ZNF674: variants seen among roughly 807,000 people sequenced by gnomAD.
The protein encoded by ZNF674 is zinc finger family member 674.
A neutral mutation model predicts 7.0 loss-of-function variants in ZNF674; 2 were observed. That is an observed-to-expected ratio of 0.29 (90% CI 0.12 to 0.90). The LOEUF (loss-of-function observed/expected upper bound fraction) is 0.90, where lower values mean the gene tolerates loss of function less well. ZNF674 is among the 40% of genes least tolerant of loss of function. The pLI, the probability that ZNF674 is intolerant of heterozygous loss-of-function variation, is 0.57. For synonymous variants in ZNF674, 103 were observed against 145.2 expected (o/e 0.71, Z 2.09); for missense variants, 297 against 415.5 (o/e 0.71, Z 2.48).
At position 46,500,804 on chromosome X, in the gene ZNF674, C is replaced by T; in HGVS notation, c.770G>A (p.Ser257Asn). 8.4e-7 allele frequency: 1 copy of T among 1,197,538 alleles called. No homozygotes were observed. Among genetic ancestry groups the T allele is most frequent in the South Asian group, 1.8e-5 (1 of 55,722 alleles). Residue 257 changes from serine (S) to asparagine (N), a missense_variant, in exon 6 of 6, where the codon AGC becomes AAC. Physicochemically the swap from Ser to Asn is conservative, Grantham distance 46. Transcript: ENST00000683375. The stretch of plus-strand genomic sequence containing the variant: ...GTGTGCTATGAGGGTTGACTTCTGG[C>T]TGAAGGCTTTTGCACATTCGCAGCA... ...YECCECAKAF[S>N]QKSTLIAHQR... is the part of the protein sequence containing the mutation.
chrX:46,530,718 G>A (rs1481024033), intron 3 of ZNF674, among the ~76,000 whole-genome samples: 27 of 112,912 alleles, frequency 2.4e-4, no homozygotes, highest in South Asian at 2.2e-3. Flanking sequence ...TGATCAAAGT[G>A]TCTTTTATAT....
chrX:46,504,975 C>T (rs1349235007), intron 5 of ZNF674, among the ~76,000 whole-genome samples: 1 of 109,468 alleles, frequency 9.1e-6, no homozygotes, highest in Non-Finnish European at 1.9e-5. Flanking sequence ...CTGCAACCTC[C>T]GCCTCCCGAG....
At chrX:46,527,907 A>G in intron 5 of ZNF674, 1 of 142,303 alleles carries the variant, frequency 7.0e-6, no homozygotes, top group Non-Finnish European at 1.4e-5. Context: ...AAAAAAAAAA[A>G]AGACTCCAAC....
At chrX:46,505,844 A>C (rs1215899199) in intron 5 of ZNF674, among the ~76,000 whole-genome samples, 2 of 110,882 alleles carry the variant, frequency 1.8e-5, no homozygotes, top group Admixed American at 1.9e-4. Context: ...GTCATGGTTC[A>C]CTTGGCACTA....
At chrX:46,521,652 G>A (rs779497854) in intron 5 of ZNF674, among the ~76,000 whole-genome samples, 4 of 107,820 alleles carry the variant, frequency 3.7e-5, no homozygotes, top group African/African-American at 1.0e-4. Context: ...AGGCGGGGGA[G>A]GGGGGGGAGG....
intron 5 of ZNF674, among the ~76,000 whole-genome samples, chrX:46,506,233 T>C (rs1259036403): frequency 9.0e-6 from 1 of 111,332 alleles, no homozygotes; most frequent in Non-Finnish European, 1.9e-5. Context: ...GTTTTTCTTC[T>C]GGGAGTCTGG....
chrX:46,521,331 C>G lies in ZNF674; in HGVS notation c.238+7019G>C, dbSNP rs909658487. Among the ~76,000 whole-genome samples, 20 of 110,801 alleles carry G rather than the reference C, an allele frequency of 1.8e-4. No individual in the cohort carries two copies. In the East Asian group the frequency reaches 5.4e-3, roughly 30 times the overall value. ...GTGTCTCATGCCTGTAATCCTAACA[C>G]TTTGGGAGACTGAGGCAGGTGGATC... On this transcript the variant is annotated intron_variant, in intron 5 of 5. Coordinates refer to ENST00000683375, the MANE Select transcript of ZNF674 (RefSeq NM_001190417.2).
intron 5 of ZNF674, among the ~76,000 whole-genome samples, chrX:46,512,689 G>A (rs749714565): frequency 1.8e-4 from 19 of 108,494 alleles, no homozygotes; most frequent in Non-Finnish European, 3.3e-4. Context: ...ACTTGAACCC[G>A]GGAGGCAGAG....
chrX:46,508,375 G>C (rs1200801486), intron 5 of ZNF674, among the ~76,000 whole-genome samples: 7 of 111,295 alleles, frequency 6.3e-5, no homozygotes, highest in Admixed American at 1.9e-4. Context: ...AGAGAAGAAA[G>C]TACAAAAAAA....
chrX:46,503,917 T>A (rs1257054569), intron 5 of ZNF674, among the ~76,000 whole-genome samples: 1 of 111,058 alleles, frequency 9.0e-6, no homozygotes, highest in Non-Finnish European at 1.9e-5. Flanking sequence ...CGCACACCTA[T>A]AGTCCCAGCT....
At chrX:46,533,054 A>T (rs73198079) in intron 3 of ZNF674, among the ~76,000 whole-genome samples, 25,536 of 111,075 alleles carry the variant, frequency 0.23, 2,681 homozygotes, top group Middle Eastern at 0.36. Flanking sequence ...GAGGAGGCTA[A>T]AATCTGCTAA....
At chrX:46,515,634 G>A (rs994664612) in intron 5 of ZNF674, among the ~76,000 whole-genome samples, 2 of 111,008 alleles carry the variant, frequency 1.8e-5, no homozygotes, top group Non-Finnish European at 3.8e-5. Flanking sequence ...ATTTTTTGGA[G>A]ACAGGGTCTT....
chrX:46,516,824 C>T (rs563604582), intron 5 of ZNF674, among the ~76,000 whole-genome samples: 371 of 111,446 alleles, frequency 3.3e-3, no homozygotes, highest in South Asian at 0.013. Context: ...TGGCGAAACC[C>T]GTCTCTACTA....
Position 46,501,334 on chromosome X carries a change from T to C in ZNF674, c.240A>G (p.Glu80=). Residue 80 remains glutamate, a splice_region_variant and synonymous_variant, in exon 6 of 6, where the codon GAA becomes GAG. Transcript: ENST00000683375. ...CTATCTGCTCGTCAACTTCCCAGAC[T>C]TCTAGAAGAAAATGCAATGAATCAT... ...DGGTPVRTCA[E]VWEVDEQIDH... 8.3e-7 allele frequency: 1 copy of C among 1,198,799 alleles called. No homozygotes were observed. Among genetic ancestry groups the C allele is most frequent in the Non-Finnish European group, 1.1e-6 (1 of 889,477 alleles).
chrX:46,543,449 T>C (rs1211697249), intron 2 of ZNF674, among the ~76,000 whole-genome samples: 9 of 111,834 alleles, frequency 8.0e-5, no homozygotes, highest in African/African-American at 2.9e-4. Context: ...GTAAGATCTC[T>C]TCATGTGGTT....
At chrX:46,519,277 A>AGAT (rs1941856950) in intron 5 of ZNF674, among the ~76,000 whole-genome samples, 32 of 81,381 alleles carry the variant, frequency 3.9e-4, no homozygotes, top group South Asian at 6.2e-4. Context: ...GATAGATGAT[A>AGAT]GATAGATAGA....
intron 1 of ZNF674, among the ~76,000 whole-genome samples, 182 bp downstream of exon 1, chrX:46,545,189 A>G (rs1275341849): frequency 1.8e-5 from 2 of 110,620 alleles, no homozygotes; most frequent in Non-Finnish European, 3.8e-5. Flanking sequence ...TGACTCAATC[A>G]ATTAGTCACT....
chrX:46,509,903 C>T (rs1442075569), intron 5 of ZNF674, among the ~76,000 whole-genome samples: 32 of 110,327 alleles, frequency 2.9e-4, no homozygotes, highest in African/African-American at 9.5e-4. Flanking sequence ...TGTCCAACAA[C>T]GATAGACTGG....
At chrX:46,519,264 A>AGATAGATG in intron 5 of ZNF674, among the ~76,000 whole-genome samples, 1 of 57,801 alleles carries the variant, frequency 1.7e-5, no homozygotes, top group South Asian at 8.5e-4. Context: ...ATAGATAGAT[A>AGATAGATG]AAGATAGATG....
Sources: gnomAD v4.1 joint callset for allele counts (sites outside exome capture counted in the v4.1 genomes callset) on GRCh38, gnomAD v4.1.1 for gene constraint, MANE v1.5 for transcripts, NCBI Gene and HGNC (gene_info 2026-07-23, HGNC 2026-07-21) for gene names.